Variants in XYLT1 observed in about 807,000 individuals in gnomAD.
The protein encoded by XYLT1 is beta-D-xylosyltransferase 1.
XYLT1 carries 36 observed loss-of-function variants against 91.3 expected under a neutral mutation model. That is an observed-to-expected ratio of 0.39 (90% CI 0.30 to 0.52). The LOEUF (loss-of-function observed/expected upper bound fraction) is 0.52. Among genes scored for constraint, XYLT1 ranks in the 20% least tolerant of loss-of-function variants. The pLI is 0.68. For missense variants in XYLT1, 1,242 were observed against 1,284.5 expected (o/e 0.97, Z 0.51); for synonymous variants, 588 against 532.0 (o/e 1.11, Z -1.45).
chr16:17,118,047 A>G (rs1186649634), intron 10 of XYLT1, 68 bp from the exon 11 acceptor site: 56 of 1,493,436 alleles, frequency 3.7e-5, no homozygotes, highest in Non-Finnish European at 4.6e-5. Context: ...AGAAAGGTCT[A>G]GGATCCCCTT....
At chr16:17,301,695 C>T (rs1289105559) in intron 2 of XYLT1, among the ~76,000 whole-genome samples, 2 of 152,142 alleles carry the variant, frequency 1.3e-5, no homozygotes, top group Admixed American at 6.6e-5. Flanking sequence ...AGTGCGAAGG[C>T]GTTTCATCAG....
intron 5 of XYLT1, among the ~76,000 whole-genome samples, chr16:17,172,070 T>C (rs973148558): frequency 2.6e-5 from 4 of 152,216 alleles, no homozygotes; most frequent in African/African-American, 9.7e-5. Context: ...GTTTTGGGGT[T>C]AGAAGGAATG....
At chr16:17,343,642 T>C (rs1381615078) in intron 2 of XYLT1, among the ~76,000 whole-genome samples, 2 of 152,096 alleles carry the variant, frequency 1.3e-5, no homozygotes, top group South Asian at 2.1e-4. Flanking sequence ...AGATTATGTT[T>C]TATTTTTTTG....
intron 5 of XYLT1, among the ~76,000 whole-genome samples, chr16:17,166,776 G>A (rs1030130282): frequency 2.0e-5 from 3 of 151,568 alleles, no homozygotes; most frequent in African/African-American, 7.3e-5. Flanking sequence ...AGCCTCCAAA[G>A]TGCTGGGACC....
intron 3 of XYLT1, among the ~76,000 whole-genome samples, chr16:17,254,992 T>C (rs1355891886): frequency 2.3e-5 from 3 of 130,080 alleles, no homozygotes; most frequent in Non-Finnish European, 4.7e-5. Context: ...CTTTTTTTCT[T>C]TTTCTTTTTT....
chr16:17,311,104 C>T (rs1263728946), intron 2 of XYLT1, among the ~76,000 whole-genome samples: 1 of 152,160 alleles, frequency 6.6e-6, no homozygotes, highest in African/African-American at 2.4e-5. Flanking sequence ...GGATAATCAC[C>T]TGCTGCAAAT....
intron 1 of XYLT1, among the ~76,000 whole-genome samples, chr16:17,438,703 G>T (rs1188747089): frequency 6.6e-6 from 1 of 152,088 alleles, no homozygotes. Context: ...CATGGCAGAA[G>T]GTGAAGGGGA....
At chr16:17,460,607 G>A (rs953922539) in intron 1 of XYLT1, among the ~76,000 whole-genome samples, 3 of 152,202 alleles carry the variant, frequency 2.0e-5, no homozygotes, top group African/African-American at 4.8e-5. Flanking sequence ...GGCCAGCCAG[G>A]TGCCACAGGT....
chr16:17,467,907 T>C (rs1364291491), intron 1 of XYLT1, among the ~76,000 whole-genome samples: 2 of 152,096 alleles, frequency 1.3e-5, no homozygotes, highest in African/African-American at 4.8e-5. Context: ...AGCATGTGTC[T>C]AACCACCTCT....
chr16:17,411,476 A>G (rs890138766), intron 1 of XYLT1, among the ~76,000 whole-genome samples: 1 of 152,206 alleles, frequency 6.6e-6, no homozygotes, highest in Admixed American at 6.5e-5. Flanking sequence ...CACTAAAAAA[A>G]ATTGCTTAGA....
At chr16:17,380,136 A>C (rs1228991977) in intron 1 of XYLT1, among the ~76,000 whole-genome samples, 1 of 151,980 alleles carries the variant, frequency 6.6e-6, no homozygotes, top group Non-Finnish European at 1.5e-5. Context: ...AAAAACACAA[A>C]AATTAGCTAG....
At chr16:17,415,782 C>A (rs904921443) in intron 1 of XYLT1, among the ~76,000 whole-genome samples, 1 of 152,048 alleles carries the variant, frequency 6.6e-6, no homozygotes, top group Non-Finnish European at 1.5e-5. Flanking sequence ...CTGTGGTGAG[C>A]AGGAATACGA....
chr16:17,318,538 C>T (rs375922107), intron 2 of XYLT1, among the ~76,000 whole-genome samples: 4 of 152,200 alleles, frequency 2.6e-5, no homozygotes, highest in East Asian at 1.9e-4. Context: ...GCCTGTTTCC[C>T]GCATGCAAAG....
chr16:17,181,598 CA>C (rs143318552), intron 5 of XYLT1, among the ~76,000 whole-genome samples: 275 of 152,224 alleles, frequency 1.8e-3, no homozygotes, highest in African/African-American at 6.3e-3. Context: ...GCCTGCTGCC[CA>C]TAGCAGGTTC....
At chr16:17,256,911 G>A (rs1035079457) in intron 3 of XYLT1, among the ~76,000 whole-genome samples, 2 of 152,142 alleles carry the variant, frequency 1.3e-5, no homozygotes, top group African/African-American at 4.8e-5. Flanking sequence ...TTGACATTGA[G>A]CAGCACCTCA....
intron 1 of XYLT1, among the ~76,000 whole-genome samples, chr16:17,409,546 CTTT>C (rs35377886): frequency 6.8e-5 from 8 of 117,330 alleles, no homozygotes; most frequent in African/African-American, 9.9e-5. Flanking sequence ...TATTGAGACA[CTTT>C]TTTTTTTTTT....
chr16:17,391,906 G>T (rs750259403), intron 1 of XYLT1, among the ~76,000 whole-genome samples: 6 of 152,120 alleles, frequency 3.9e-5, no homozygotes, highest in Non-Finnish European at 8.8e-5. Flanking sequence ...CTGCCTCTAC[G>T]TAAGATGGGC....
Position 17,104,430 on chromosome 16 carries a change from G to C in XYLT1, c.*4265C>G, listed in dbSNP as rs1371869407. ...CTGAATGATCCATCCCCCCTCTGTG[G>C]AATGGTCTCTTGAGGAGTGGAATGA... On this transcript the variant is annotated 3_prime_UTR_variant, in exon 12 of 12. Coordinates refer to ENST00000261381, the MANE Select transcript of XYLT1 (RefSeq NM_022166.4). 1 of 152,152 alleles carries C rather than the reference G, an allele frequency of 6.6e-6. No homozygotes were observed. The highest frequency in any genetic ancestry group is 1.5e-5 in the Non-Finnish European group (1 of 68,048). The allele number at this position is 152,152 out of a possible 1,614,324, so 9.4% of individuals were successfully genotyped here.
At chr16:17,459,248 T>G (rs1216691351) in intron 1 of XYLT1, among the ~76,000 whole-genome samples, 1 of 152,142 alleles carries the variant, frequency 6.6e-6, no homozygotes, top group Admixed American at 6.5e-5. Context: ...GGCACGCACC[T>G]GTAGTCCCAC....
Sources: allele counts gnomAD v4.1 joint callset (sites outside exome capture counted in the v4.1 genomes callset), GRCh38; gene constraint gnomAD v4.1.1; transcripts MANE v1.5; gene names NCBI Gene and HGNC (gene_info 2026-07-23, HGNC 2026-07-21).